Variants in MDGA2 observed in about 807,000 individuals in gnomAD.
The protein encoded by MDGA2 is MAM domain-containing glycosylphosphatidylinositol anchor protein 2.
MDGA2 carries 40 observed loss-of-function variants against 117.8 expected under a neutral mutation model. The ratio of observed to expected loss-of-function variants is 0.34; its 90% confidence interval spans 0.26 to 0.44. The LOEUF is 0.44. Ranked by LOEUF, MDGA2 falls within the 20% of genes least tolerant of loss-of-function variation. The pLI is 1.00. For missense variants in MDGA2, 1,123 were observed against 1,250.6 expected, an observed-to-expected ratio of 0.90 and a Z score of 1.54; for synonymous variants, 452 against 439.0, an observed-to-expected ratio of 1.03 and a Z score of -0.37.
At chr14:46,859,435 T>C (rs1439863826) in intron 14 of MDGA2, among the ~76,000 whole-genome samples, 3 of 152,216 alleles carry the variant, frequency 2.0e-5, no homozygotes, top group Admixed American at 6.5e-5. Context: ...CATATCTTTT[T>C]TCTTTCTGTT....
chr14:46,949,726 T>TAC (rs1885301760), intron 9 of MDGA2, among the ~76,000 whole-genome samples: 1 of 152,030 alleles, frequency 6.6e-6, no homozygotes, highest in South Asian at 2.1e-4. Flanking sequence ...CTCATATATA[T>TAC]ACCACATTTT....
At chr14:47,142,269 C>A (rs921254736) in intron 4 of MDGA2, among the ~76,000 whole-genome samples, 8 of 152,084 alleles carry the variant, frequency 5.3e-5, no homozygotes, top group African/African-American at 1.9e-4. Context: ...CATGGTGAAA[C>A]CCCACCTCTA....
At chr14:47,431,802 A>AT (rs962484857) in intron 1 of MDGA2, among the ~76,000 whole-genome samples, 2 of 152,036 alleles carry the variant, frequency 1.3e-5, no homozygotes, top group Non-Finnish European at 2.9e-5. Context: ...TCTACATTAC[A>AT]TTTTTTTAAA....
intron 2 of MDGA2, among the ~76,000 whole-genome samples, chr14:47,297,444 G>C (rs1443284825): frequency 6.9e-6 from 1 of 144,434 alleles, no homozygotes; most frequent in Non-Finnish European, 1.5e-5. Flanking sequence ...GGAGTGAAGG[G>C]AAGGGAAGGG....
At chr14:47,352,285 A>G (rs964876682) in intron 1 of MDGA2, among the ~76,000 whole-genome samples, 8 of 152,126 alleles carry the variant, frequency 5.3e-5, no homozygotes, top group Non-Finnish European at 1.2e-4. Context: ...CTTCATGAAA[A>G]CACACGTGCT....
intron 1 of MDGA2, among the ~76,000 whole-genome samples, chr14:47,383,498 C>T (rs1594828996): frequency 6.6e-6 from 1 of 152,234 alleles, no homozygotes; most frequent in East Asian, 1.9e-4. Flanking sequence ...GTAAATGACA[C>T]ATATCACACC....
intron 1 of MDGA2, among the ~76,000 whole-genome samples, chr14:47,460,834 C>T (rs1211582208): frequency 6.6e-6 from 1 of 151,990 alleles, no homozygotes; most frequent in Non-Finnish European, 1.5e-5. Flanking sequence ...ACCACACAGG[C>T]CAATAAGTCC....
At chr14:47,533,676 A>C (rs781645405) in intron 1 of MDGA2, among the ~76,000 whole-genome samples, 2 of 152,170 alleles carry the variant, frequency 1.3e-5, no homozygotes, top group Admixed American at 6.5e-5. Context: ...ACCTCATTAC[A>C]CTGACTGTGT....
chr14:47,511,116 T>C (rs1894631326), intron 1 of MDGA2, among the ~76,000 whole-genome samples: 1 of 152,214 alleles, frequency 6.6e-6, no homozygotes, highest in African/African-American at 2.4e-5. Context: ...AAAACTATAT[T>C]TCATTCATTA....
chr14:47,587,115 C>T (rs1896339953), intron 1 of MDGA2, among the ~76,000 whole-genome samples: 1 of 151,668 alleles, frequency 6.6e-6, no homozygotes, highest in Non-Finnish European at 1.5e-5. Flanking sequence ...ATAATGAGAA[C>T]ACAGGGACAC....
At chr14:46,986,986 T>C (rs1331087077) in intron 8 of MDGA2, among the ~76,000 whole-genome samples, 1 of 152,074 alleles carries the variant, frequency 6.6e-6, no homozygotes, top group Non-Finnish European at 1.5e-5. Flanking sequence ...GTCATTACAG[T>C]GACACTCACA....
chr14:47,070,490 G>A (rs1890241927), intron 6 of MDGA2, among the ~76,000 whole-genome samples: 1 of 152,170 alleles, frequency 6.6e-6, no homozygotes, highest in Non-Finnish European at 1.5e-5. Flanking sequence ...TCTGTAGAGG[G>A]TAAGAGCCTA....
At chr14:47,128,686 T>A (rs1265818740) in intron 5 of MDGA2, among the ~76,000 whole-genome samples, 1 of 151,732 alleles carries the variant, frequency 6.6e-6, no homozygotes, top group Non-Finnish European at 1.5e-5. Flanking sequence ...TTCTGCAACA[T>A]AATTTCCATC....
rs147916225 is a variant in MDGA2, at chr14:47,442,935, AC to A, written c.281-141386del. On this transcript the variant is annotated intron_variant, in intron 1 of 16. Transcript: ENST00000399232. Reference sequence around the variant, plus strand: ...CGTACCCATGTTGTCTATGCTACCCACCCTTTAGTCACTTAACCATCTCAGT... The same window carrying A: ...CGTACCCATGTTGTCTATGCTACCCACCTTTAGTCACTTAACCATCTCAGT... Among the ~76,000 whole-genome samples the A allele has an allele frequency of 2.5e-3, 377 of 152,112 alleles. 9 individuals carry two copies. The East Asian group carries it at 0.064, about 26-fold the overall frequency.
At chr14:47,201,927 T>A (rs2139445884) in intron 3 of MDGA2, among the ~76,000 whole-genome samples, 1 of 152,342 alleles carries the variant, frequency 6.6e-6, no homozygotes, top group African/African-American at 2.4e-5. Context: ...TTGACACATG[T>A]ACAGTACATA....
intron 8 of MDGA2, among the ~76,000 whole-genome samples, chr14:47,020,037 A>G (rs996405995): frequency 2.0e-5 from 3 of 152,144 alleles, no homozygotes; most frequent in Non-Finnish European, 4.4e-5. Flanking sequence ...CATTTTATAG[A>G]CATATTGTGC....
At chr14:47,312,540 CT>C (rs1889667666) in intron 1 of MDGA2, among the ~76,000 whole-genome samples, 1 of 151,788 alleles carries the variant, frequency 6.6e-6, no homozygotes, top group South Asian at 2.1e-4. Context: ...CATGACAGTC[CT>C]TTTTGTTTTT....
chr14:47,276,654 G>A (rs567583781), intron 2 of MDGA2, among the ~76,000 whole-genome samples: 1 of 152,222 alleles, frequency 6.6e-6, no homozygotes, highest in South Asian at 2.1e-4. Context: ...GAAACAAATT[G>A]TAATTCTGTA....
chr14:47,150,306 C>G (rs988436198), intron 3 of MDGA2, among the ~76,000 whole-genome samples: 4 of 152,180 alleles, frequency 2.6e-5, no homozygotes, highest in Non-Finnish European at 5.9e-5. Flanking sequence ...TTCTGTTATA[C>G]TTTTAAATAA....
Sources: gnomAD v4.1 joint callset for allele counts (sites outside exome capture counted in the v4.1 genomes callset) on GRCh38, gnomAD v4.1.1 for gene constraint, MANE v1.5 for transcripts, NCBI Gene and HGNC (gene_info 2026-07-23, HGNC 2026-07-21) for gene names.